PAM: variants seen among roughly 807,000 people sequenced by gnomAD.
PAM encodes the protein peptidyl-glycine alpha-amidating monooxygenase.
In PAM, 72 loss-of-function variants were observed where a neutral mutation model predicts 122.1. The ratio of observed to expected loss-of-function variants is 0.59; its 90% CI spans 0.49 to 0.72. The LOEUF (loss-of-function observed/expected upper bound fraction) is 0.72, where lower values mean the gene tolerates loss of function less well. PAM is among the 30% of genes least tolerant of loss of function. The pLI is 0.00. For missense variants in PAM, 1,106 were observed against 1,183.7 expected, an observed-to-expected ratio of 0.93 and a Z score of 0.96; for synonymous variants, 389 against 404.4, an observed-to-expected ratio of 0.96 and a Z score of 0.46.
At chr5:102,883,029 A>C (rs537882376) in intron 3 of PAM, among the ~76,000 whole-genome samples, 8 of 151,632 alleles carry the variant, frequency 5.3e-5, no homozygotes, top group Non-Finnish European at 1.2e-4. Context: ...GTTGACTATA[A>C]GTATTTGGGT....
chr5:103,024,187 G>A (rs575381728), intron 23 of PAM, among the ~76,000 whole-genome samples: 23 of 152,228 alleles, frequency 1.5e-4, no homozygotes, highest in African/African-American at 5.5e-4. Flanking sequence ...ATTCTTACTA[G>A]TCTTTGTACA....
intron 1 of PAM, among the ~76,000 whole-genome samples, chr5:102,812,472 A>G (rs180917632): frequency 2.2e-4 from 33 of 152,290 alleles, no homozygotes; most frequent in African/African-American, 7.7e-4. Context: ...GTTCTCTGAA[A>G]AAAAGGAGAT....
At chr5:102,921,174 G>A (rs1255489283) in intron 5 of PAM, among the ~76,000 whole-genome samples, 1 of 152,110 alleles carries the variant, frequency 6.6e-6, no homozygotes, top group African/African-American at 2.4e-5. Context: ...AGCCTTATAG[G>A]AGAAGCTGCT....
chr5:102,843,518 C>T (rs993378435), intron 1 of PAM, among the ~76,000 whole-genome samples: 29 of 152,140 alleles, frequency 1.9e-4, no homozygotes, highest in Non-Finnish European at 3.2e-4. Flanking sequence ...TGGAGTTCAT[C>T]AAAGCTAAAA....
chr5:102,953,003 T>A (rs568344238), intron 12 of PAM, among the ~76,000 whole-genome samples: 1 of 152,258 alleles, frequency 6.6e-6, no homozygotes, highest in East Asian at 1.9e-4. Context: ...CTCCATGTAC[T>A]GCGAGAACTC....
chr5:102,820,711 G>C lies in PAM; in HGVS notation c.-373-45112G>C, dbSNP rs186462209. Among the ~76,000 whole-genome samples, 892 of 152,240 alleles carry C rather than the reference G, an allele frequency of 5.9e-3. 4 individuals are homozygous for C. Among genetic ancestry groups the C allele is most frequent in the Non-Finnish European group, 0.01 (689 of 68,006 alleles). On this transcript the variant is annotated intron_variant, in intron 1 of 25. Coordinates refer to ENST00000438793, the MANE Select transcript of PAM (RefSeq NM_001177306.2). ...ATAATGAAATAATAATGAAAAATTGGTTGGAATTCTACCTTCCCTGTCCAC... is the reference window on the plus strand; with the variant it reads ...ATAATGAAATAATAATGAAAAATTGCTTGGAATTCTACCTTCCCTGTCCAC...
At chr5:103,003,639 A>T (rs936782647) in intron 17 of PAM, among the ~76,000 whole-genome samples, 1 of 152,140 alleles carries the variant, frequency 6.6e-6, no homozygotes, top group African/African-American at 2.4e-5. Flanking sequence ...GGGGCTAATA[A>T]TCTTAAGTTC....
intron 1 of PAM, among the ~76,000 whole-genome samples, chr5:102,789,240 A>C (rs1761410468): frequency 6.6e-6 from 1 of 152,102 alleles, no homozygotes; most frequent in Non-Finnish European, 1.5e-5. Context: ...GTTTACTGGA[A>C]GTTGGAATTT....
intron 15 of PAM, among the ~76,000 whole-genome samples, chr5:102,983,327 A>G (rs1770551513): frequency 6.6e-6 from 1 of 151,476 alleles, no homozygotes; most frequent in African/African-American, 2.4e-5. Flanking sequence ...GCGTGTGCGT[A>G]TAATTACAGC....
intron 24 of PAM, among the ~76,000 whole-genome samples, chr5:103,026,483 C>A (rs1784973455): frequency 6.6e-6 from 1 of 152,266 alleles, no homozygotes; most frequent in South Asian, 2.1e-4. Context: ...ATCAATAAAT[C>A]TCTATAAAAA....
chr5:102,900,682 GT>G (rs1285661487), intron 3 of PAM, among the ~76,000 whole-genome samples: 1 of 151,580 alleles, frequency 6.6e-6, no homozygotes, highest in African/African-American at 2.4e-5. Flanking sequence ...ACTTTATTGT[GT>G]ATGGATTTCC....
At chr5:102,848,961 T>TGA (rs1257858207) in intron 1 of PAM, among the ~76,000 whole-genome samples, 8 of 152,150 alleles carry the variant, frequency 5.3e-5, no homozygotes, top group Non-Finnish European at 1.2e-4. Flanking sequence ...AAGACCCATA[T>TGA]GAGGGCACAT....
chr5:102,823,229 C>T (rs73189017), intron 1 of PAM, among the ~76,000 whole-genome samples: 2,482 of 152,100 alleles, frequency 0.016, 56 homozygotes, highest in African/African-American at 0.057. Flanking sequence ...TATTTTGTCA[C>T]CAAAGCTGAG....
intron 17 of PAM, 55 bp downstream of exon 17, chr5:103,003,204 G>A (rs1170336160): frequency 1.2e-6 from 1 of 823,422 alleles, no homozygotes. Flanking sequence ...TGAGTATAAA[G>A]TGTATCATAG....
chr5:102,924,063 G>A (rs944582947), intron 5 of PAM, among the ~76,000 whole-genome samples: 4 of 152,128 alleles, frequency 2.6e-5, no homozygotes, highest in Non-Finnish European at 5.9e-5. Flanking sequence ...TAAGTAACTT[G>A]CATAATATGA....
Position 102,801,099 on chromosome 5 carries a change from G to C in PAM, c.-374+45751G>C, listed in dbSNP as rs1023560265. Among the ~76,000 whole-genome samples the C allele has an allele frequency of 5.9e-5, 9 of 152,110 alleles. No individual in the cohort carries two copies. In the East Asian group the frequency reaches 1.7e-3, roughly 29 times the overall value. On this transcript the variant is annotated intron_variant, in intron 1 of 25. Transcript: ENST00000438793. ...GAGTTTGCATTAATAACATTGCTTT[G>C]GTTTTAACTTGCTTACTGTAACAAG...
chr5:102,964,371 T>G (rs1442511439), intron 14 of PAM, among the ~76,000 whole-genome samples: 1 of 151,942 alleles, frequency 6.6e-6, no homozygotes, highest in East Asian at 1.9e-4. Context: ...ACCATATCTT[T>G]GTCTACATCT....
chr5:102,808,098 C>G (rs970617251), intron 1 of PAM: 1 of 152,140 alleles, frequency 6.6e-6, no homozygotes, highest in African/African-American at 2.4e-5. Context: ...GCCTCCAAGT[C>G]TCTCCTGATG....
At chr5:103,017,700 A>G (rs1782433194) in intron 22 of PAM, among the ~76,000 whole-genome samples, 1 of 152,208 alleles carries the variant, frequency 6.6e-6, no homozygotes, top group South Asian at 2.1e-4. Flanking sequence ...ATTCCAGCTT[A>G]GTTCCAGAAG....
Sources: allele counts gnomAD v4.1 joint callset (sites outside exome capture counted in the v4.1 genomes callset), GRCh38; gene constraint gnomAD v4.1.1; transcripts MANE v1.5; gene names NCBI Gene and HGNC (gene_info 2026-07-23, HGNC 2026-07-21).